Variants in WDR70 observed in about 807,000 individuals in gnomAD.
The protein encoded by WDR70 is WD repeat domain 70.
A neutral mutation model predicts 88.6 loss-of-function variants in WDR70; 53 were observed. The ratio of observed to expected loss-of-function variants is 0.60; its 90% confidence interval spans 0.48 to 0.75. WDR70 has a LOEUF of 0.75. Among genes scored for constraint, WDR70 ranks in the 30% least tolerant of loss-of-function variants. The pLI is 0.00. For synonymous variants in WDR70, 280 were observed against 270.0 expected (o/e 1.04, Z -0.36); for missense variants, 610 against 823.2 (o/e 0.74, Z 3.17).
intron 5 of WDR70, among the ~76,000 whole-genome samples, chr5:37,407,576 A>T (rs1168380652): frequency 6.6e-6 from 1 of 151,954 alleles, no homozygotes; most frequent in Non-Finnish European, 1.5e-5. Flanking sequence ...TATTTCTCAA[A>T]TTTTTCCCAC....
At chr5:37,660,811 TA>T (rs1367176862) in intron 10 of WDR70, among the ~76,000 whole-genome samples, 1 of 152,198 alleles carries the variant, frequency 6.6e-6, no homozygotes, top group Non-Finnish European at 1.5e-5. Flanking sequence ...TGGCCCAACA[TA>T]TATTCAGGTT....
chr5:37,675,293 C>G lies in WDR70; in HGVS notation c.1093-22362C>G, dbSNP rs1380148576. Among the ~76,000 whole-genome samples, 4 of 152,248 alleles carry G rather than the reference C, an allele frequency of 2.6e-5. No individual in the cohort carries two copies. In the East Asian group the frequency reaches 5.8e-4, roughly 22 times the overall value. ...TTGCCATTGCTTTTGGTGTTTTAGA[C>G]ATGAAGTCCTTACCCATGCCTATGT... On this transcript the variant is annotated intron_variant, in intron 10 of 17. Coordinates refer to ENST00000265107, the MANE Select transcript of WDR70 (RefSeq NM_018034.4).
At chr5:37,690,466 C>T (rs1459158209) in intron 10 of WDR70, among the ~76,000 whole-genome samples, 2 of 152,146 alleles carry the variant, frequency 1.3e-5, no homozygotes, top group Admixed American at 6.5e-5. Flanking sequence ...AAAGAAAGAT[C>T]GGGTTAACCA....
intron 13 of WDR70, among the ~76,000 whole-genome samples, chr5:37,719,005 G>T (rs757803035): frequency 2.0e-5 from 3 of 152,182 alleles, no homozygotes; most frequent in Admixed American, 6.6e-5. Context: ...AAATTGGGTG[G>T]TTTAGATAGC....
intron 5 of WDR70, among the ~76,000 whole-genome samples, chr5:37,424,288 A>G (rs1750052221): frequency 6.6e-6 from 1 of 150,978 alleles, no homozygotes; most frequent in Non-Finnish European, 1.5e-5. Context: ...TTGCCTAGGT[A>G]GCATGCAGTA....
rs377754044 is a variant in WDR70, at chr5:37,437,932, A to G, written c.503A>G (p.His168Arg). The G allele has an allele frequency of 2.5e-6, 4 of 1,608,826 alleles. No individual in the cohort carries two copies. Among genetic ancestry groups the G allele is most frequent in the Non-Finnish European group, 1.7e-6 (2 of 1,177,376 alleles). The change falls in exon 6 of 18, where the codon CAC (histidine) becomes CGC (arginine). Residue 168 changes from histidine to arginine, a missense_variant. By Grantham distance (29) the His-to-Arg change is conservative (BLOSUM62 0). Transcript: ENST00000265107. ...GTTTTCTTGTTTCAGAATCCTGTTC[A>G]CAAGATTCCTGACTCGCATGAGATA... Reference protein sequence around the residue: ...EEEEEEENPVHKIPDSHEITL... With the variant: ...EEEEEEENPVRKIPDSHEITL...
At chr5:37,473,607 G>A (rs375936297) in intron 7 of WDR70, among the ~76,000 whole-genome samples, 52 of 152,276 alleles carry the variant, frequency 3.4e-4, no homozygotes, top group African/African-American at 6.0e-4. Context: ...GCCTCCCAAC[G>A]TGCTGGGATT....
In WDR70 at chr5:37,606,723, G is replaced by T. The variant is rs1744038879; in HGVS notation, c.1092+1485G>T. Among the ~76,000 whole-genome samples the T allele has an allele frequency of 2.0e-5, 3 of 152,084 alleles. No individual in the cohort carries two copies. In the South Asian group the frequency reaches 6.2e-4, roughly 32 times the overall value. ...GTTAGAATGTATTTAATAAATGAAT[G>T]TAAGTTTATTATACCATATCTCATT... is the stretch of plus-strand genomic sequence containing the variant. On this transcript the variant is annotated intron_variant, in intron 10 of 17. Transcript: ENST00000265107.
chr5:37,751,209 CTTGTTGTAGCA>C (rs993155303), intron 17 of WDR70, among the ~76,000 whole-genome samples: 7 of 152,206 alleles, frequency 4.6e-5, no homozygotes, highest in Non-Finnish European at 1.0e-4. Flanking sequence ...CACCAATTGC[CTTGTTGTAGCA>C]TGTTAGAAAG....
intron 17 of WDR70, 42 bp from the exon 18 acceptor site, chr5:37,752,444 T>A: frequency 6.6e-7 from 1 of 1,514,458 alleles, no homozygotes; most frequent in South Asian, 1.2e-5. Context: ...ACAAATACTT[T>A]CTGACTAAAT....
intron 9 of WDR70, among the ~76,000 whole-genome samples, chr5:37,593,753 T>A (rs892157348): frequency 6.6e-6 from 1 of 152,224 alleles, no homozygotes; most frequent in Non-Finnish European, 1.5e-5. Context: ...TGAACTAGTT[T>A]ACGGTCCCAC....
At chr5:37,427,146 T>G (rs1750151312) in intron 5 of WDR70, among the ~76,000 whole-genome samples, 1 of 152,008 alleles carries the variant, frequency 6.6e-6, no homozygotes, top group South Asian at 2.1e-4. Context: ...TCCCAACACT[T>G]TGGGAGGCTG....
intron 7 of WDR70, among the ~76,000 whole-genome samples, chr5:37,470,548 A>G (rs540035071): frequency 5.9e-5 from 9 of 152,302 alleles, no homozygotes; most frequent in Admixed American, 3.3e-4. Flanking sequence ...ACTTTTGCCT[A>G]TATTTGAATA....
intron 13 of WDR70, among the ~76,000 whole-genome samples, chr5:37,712,118 G>C (rs191628078): frequency 1.1e-3 from 171 of 150,986 alleles, no homozygotes; most frequent in Non-Finnish European, 1.1e-3. Flanking sequence ...TCAGCCTTCT[G>C]AGTAGCTGGG....
chr5:37,383,505 G>A (rs1313566405), intron 3 of WDR70, among the ~76,000 whole-genome samples: 6 of 151,822 alleles, frequency 4.0e-5, no homozygotes, highest in African/African-American at 1.2e-4. Flanking sequence ...CAGGTGATCC[G>A]CCCGCCTCGG....
chr5:37,392,147 T>C, intron 4 of WDR70, 27 bp downstream of exon 4: 1 of 1,595,214 alleles, frequency 6.3e-7, no homozygotes. Flanking sequence ...AAGACTTCTA[T>C]TAAACTATCA....
Position 37,551,812 on chromosome 5 carries a change from G to A in WDR70, c.917+35222G>A, listed in dbSNP as rs1307786847. Among the ~76,000 whole-genome samples, 8 of 114,668 alleles carry A rather than the reference G, an allele frequency of 7.0e-5. No individual in the cohort carries two copies. The East Asian group carries it at 8.4e-4, about 12-fold the overall frequency. 75.2% of individuals were successfully genotyped at this position (114,668 alleles called of 152,430 possible). ...TTTTGAGACGGAGTCTCACTCTGTCGCCCAGGCTACAGTGCAGTGGTGCAA... is the reference window on the plus strand; with the variant it reads ...TTTTGAGACGGAGTCTCACTCTGTCACCCAGGCTACAGTGCAGTGGTGCAA... On this transcript the variant is annotated intron_variant, in intron 9 of 17. Transcript: ENST00000265107.
intron 10 of WDR70, among the ~76,000 whole-genome samples, chr5:37,690,176 G>A (rs1177757369): frequency 1.3e-5 from 2 of 152,168 alleles, no homozygotes; most frequent in Non-Finnish European, 2.9e-5. Context: ...AGAGTAAAAA[G>A]AAATGAACAA....
intron 8 of WDR70, among the ~76,000 whole-genome samples, chr5:37,494,267 G>C (rs1240555887): frequency 6.6e-6 from 1 of 152,274 alleles, no homozygotes; most frequent in African/African-American, 2.4e-5. Context: ...TATTGGGATA[G>C]GGCCTTCAGT....
Sources: allele counts gnomAD v4.1 joint callset (sites outside exome capture counted in the v4.1 genomes callset), GRCh38; gene constraint gnomAD v4.1.1; transcripts MANE v1.5; gene names NCBI Gene and HGNC (gene_info 2026-07-23, HGNC 2026-07-21).